ARID3B: variants seen among roughly 807,000 people sequenced by gnomAD.
ARID3B encodes AT-rich interactive domain-containing protein 3B.
ARID3B carries 10 observed loss-of-function variants against 51.9 expected under a neutral mutation model. The observed-to-expected ratio is 0.19, with a 90% CI of 0.12 to 0.33. The LOEUF is 0.33. Among genes scored for constraint, ARID3B ranks in the 10% least tolerant of loss-of-function variants. The pLI, the probability that ARID3B is intolerant of heterozygous loss-of-function variation, is 1.00. For synonymous variants in ARID3B, 205 were observed against 279.5 expected, an observed-to-expected ratio of 0.73 and a Z score of 2.66; for missense variants, 483 against 716.3, an observed-to-expected ratio of 0.67 and a Z score of 3.72.
At chr15:74,545,429 A>T (rs970946387) in intron 2 of ARID3B, among the ~76,000 whole-genome samples, 2 of 152,204 alleles carry the variant, frequency 1.3e-5, no homozygotes, top group Non-Finnish European at 2.9e-5. Flanking sequence ...GGAGCTTTTT[A>T]AAAAATACAG....
At chr15:74,554,464 G>A (rs943051384) in intron 2 of ARID3B, among the ~76,000 whole-genome samples, 7 of 151,980 alleles carry the variant, frequency 4.6e-5, no homozygotes, top group South Asian at 2.1e-4. Flanking sequence ...TACCACACTC[G>A]GCTAATTTTT....
Position 74,597,461 on chromosome 15 carries a change from C to A in ARID3B, c.*1687C>A. 1 of 513,924 alleles carries A rather than the reference C, an allele frequency of 1.9e-6. No homozygotes were observed. Among genetic ancestry groups the A allele is most frequent in the East Asian group, 3.9e-5 (1 of 25,576 alleles). The allele number at this position is 513,924 out of a possible 1,614,324, so 31.8% of individuals were successfully genotyped here. A position where few individuals can be genotyped will look rare whatever the true frequency, so the allele number is the denominator to read the frequency against. ...CCCGGTAAGCTGCAGCTCTGCTCAACTGCGTCTTCTCTCAGCCCTCCACAC... is the reference window on the plus strand; with the variant it reads ...CCCGGTAAGCTGCAGCTCTGCTCAAATGCGTCTTCTCTCAGCCCTCCACAC... On this transcript the variant is annotated 3_prime_UTR_variant, in exon 9 of 9. Coordinates refer to ENST00000346246, the MANE Select transcript of ARID3B (RefSeq NM_006465.4).
rs572521689 is a variant in ARID3B, at chr15:74,546,192, C to T, written c.552+1704C>T. Among the ~76,000 whole-genome samples, 3 of 152,342 alleles carry T rather than the reference C, an allele frequency of 2.0e-5. No individual in the cohort carries two copies. In the East Asian group the frequency reaches 5.8e-4, roughly 29 times the overall value. ...CGACAGCAGCACCCTGGCCGCCAGC[C>T]CAGACCCGCCTCCCACTGATTGCTT... On this transcript the variant is annotated intron_variant, in intron 2 of 8. Transcript: ENST00000346246.
At chr15:74,583,071 C>T (rs2061767711) in intron 4 of ARID3B, among the ~76,000 whole-genome samples, 2 of 151,684 alleles carry the variant, frequency 1.3e-5, no homozygotes, top group Admixed American at 1.3e-4. Context: ...GTGGTGGCAC[C>T]TGCCTGTAGT....
chr15:74,569,220 G>A (rs1045399592), intron 2 of ARID3B, among the ~76,000 whole-genome samples: 1 of 152,170 alleles, frequency 6.6e-6, no homozygotes, highest in African/African-American at 2.4e-5. Context: ...GAAAATAACT[G>A]GTTAAGCCTG....
chr15:74,548,034 T>G (rs1354704806), intron 2 of ARID3B, among the ~76,000 whole-genome samples: 1 of 152,190 alleles, frequency 6.6e-6, no homozygotes, highest in African/African-American at 2.4e-5. Flanking sequence ...ATTGTTAAGG[T>G]GTGGTATTAT....
At chr15:74,584,537 C>T (rs1419516608) in intron 4 of ARID3B, among the ~76,000 whole-genome samples, 1 of 152,204 alleles carries the variant, frequency 6.6e-6, no homozygotes, top group Non-Finnish European at 1.5e-5. Context: ...CCATATGAGT[C>T]TGTCTGGGGT....
Position 74,597,427 on chromosome 15 carries a change from A to T in ARID3B, c.*1653A>T, listed in dbSNP as rs2061832280. 2.1e-6 allele frequency: 1 copy of T among 467,760 alleles called. No individual in the cohort carries two copies. The highest frequency in any genetic ancestry group is 2.0e-5 in the African/African-American group (1 of 50,914). The allele number at this position is 467,760 out of a possible 1,614,324, so 29.0% of individuals were successfully genotyped here. The stretch of plus-strand genomic sequence containing the variant: ...GAATCAAAAGCTTGAGCACAAACAG[A>T]TACCTCAGCCCGGTAAGCTGCAGCT... On this transcript the variant is annotated 3_prime_UTR_variant, in exon 9 of 9. Coordinates refer to ENST00000346246, the MANE Select transcript of ARID3B (RefSeq NM_006465.4).
intron 2 of ARID3B, among the ~76,000 whole-genome samples, chr15:74,550,636 G>A (rs762801833): frequency 4.6e-5 from 7 of 151,836 alleles, no homozygotes; most frequent in Non-Finnish European, 8.8e-5. Context: ...GAACCCGGGA[G>A]GCAGAACTTG....
At chr15:74,560,579 T>C (rs920132161) in intron 2 of ARID3B, among the ~76,000 whole-genome samples, 4 of 152,204 alleles carry the variant, frequency 2.6e-5, no homozygotes, top group Admixed American at 2.6e-4. Context: ...GAATAGGTGC[T>C]CATGAAAATT....
At chr15:74,563,124 G>A (rs1386551209) in intron 2 of ARID3B, among the ~76,000 whole-genome samples, 2 of 152,194 alleles carry the variant, frequency 1.3e-5, no homozygotes. Context: ...CCACCTGTCA[G>A]GCCCTGTGCT....
At chr15:74,549,300 C>T (rs2061627425) in intron 2 of ARID3B, among the ~76,000 whole-genome samples, 1 of 152,034 alleles carries the variant, frequency 6.6e-6, no homozygotes, top group African/African-American at 2.4e-5. Context: ...TGGTCTCGAT[C>T]TCCTGACCTC....
chr15:74,551,142 A>G (rs563169019), intron 2 of ARID3B, among the ~76,000 whole-genome samples: 7 of 152,356 alleles, frequency 4.6e-5, no homozygotes, highest in Non-Finnish European at 1.0e-4. Flanking sequence ...TAGTTTACAT[A>G]TAAGTGGACC....
At chr15:74,559,517 A>G (rs1442142092) in intron 2 of ARID3B, among the ~76,000 whole-genome samples, 1 of 152,104 alleles carries the variant, frequency 6.6e-6, no homozygotes, top group Non-Finnish European at 1.5e-5. Flanking sequence ...GGCAGGTCCT[A>G]ATATTATCCC....
At chr15:74,549,041 G>T (rs1443443646) in intron 2 of ARID3B, among the ~76,000 whole-genome samples, 1 of 151,948 alleles carries the variant, frequency 6.6e-6, no homozygotes, top group Non-Finnish European at 1.5e-5. Flanking sequence ...CTCTAATTAA[G>T]GTGTAGTCCC....
rs1340845478 is a variant in ARID3B, at chr15:74,596,898, T to C, written c.*1124T>C. The C allele has an allele frequency of 2.6e-5, 6 of 233,416 alleles. No homozygotes were observed. The highest frequency in any genetic ancestry group is 5.1e-5 in the Non-Finnish European group (6 of 117,940). 14.5% of individuals were successfully genotyped at this position (233,416 alleles called of 1,614,324 possible). On this transcript the variant is annotated 3_prime_UTR_variant, in exon 9 of 9. Transcript: ENST00000346246. ...TGGGTAACCCGGCCCCTCTGGCCCT[T>C]CCCTCAAGCCCAGTGAGGAGGTGGG...
chr15:74,552,030 T>C (rs2061639194), intron 2 of ARID3B, among the ~76,000 whole-genome samples: 1 of 150,962 alleles, frequency 6.6e-6, no homozygotes, highest in Admixed American at 6.6e-5. Flanking sequence ...GCTTATTTTC[T>C]TTTCCTTTTC....
chr15:74,576,611 A>G (rs1427802930), intron 4 of ARID3B, among the ~76,000 whole-genome samples: 2 of 152,134 alleles, frequency 1.3e-5, no homozygotes, highest in Non-Finnish European at 2.9e-5. Context: ...ATGGAGGCCA[A>G]CATTGCGCCA....
intron 2 of ARID3B, among the ~76,000 whole-genome samples, chr15:74,554,208 C>A (rs1419295881): frequency 6.6e-6 from 1 of 151,816 alleles, no homozygotes; most frequent in African/African-American, 2.4e-5. Context: ...GGGGTTTCTC[C>A]ATGTTGGTCA....
Sources: gnomAD v4.1 joint callset for allele counts (sites outside exome capture counted in the v4.1 genomes callset) on GRCh38, gnomAD v4.1.1 for gene constraint, MANE v1.5 for transcripts, NCBI Gene and HGNC (gene_info 2026-07-23, HGNC 2026-07-21) for gene names.